The following PREX1 variants were observed in gnomAD, a reference collection of about 807,000 sequenced individuals.
PREX1 encodes the protein phosphatidylinositol 3,4,5-trisphosphate-dependent Rac exchanger 1 protein.
Under a neutral mutation model 198.3 loss-of-function variants are expected in PREX1, and 41 were observed. The observed-to-expected ratio is 0.21, with a 90% CI of 0.16 to 0.27. The LOEUF (loss-of-function observed/expected upper bound fraction) is 0.27, where lower values mean the gene tolerates loss of function less well. PREX1 is among the 10% of genes least tolerant of loss of function. The pLI is 1.00. For missense variants in PREX1, 1,620 were observed against 2,200.7 expected (o/e 0.74, Z 5.28); for synonymous variants, 843 against 887.2 (o/e 0.95, Z 0.89).
chr20:48,829,598 A>G (rs1447484555), upstream of PREX1, among the ~76,000 whole-genome samples: 1 of 152,184 alleles, frequency 6.6e-6, no homozygotes, highest in African/African-American at 2.4e-5. Flanking sequence ...TGGGTAGTGG[A>G]GTCAATTGTG....
At chr20:48,832,141 AG>A (rs1302519366), upstream of PREX1, among the ~76,000 whole-genome samples, 5 of 134,924 alleles carry the variant, frequency 3.7e-5, no homozygotes, top group African/African-American at 5.5e-5. Flanking sequence ...TTCAGGGGGA[AG>A]AAAAAAAAAG....
rs183287184 is a variant in PREX1, at chr20:48,708,522, G to T, written c.622-101C>A. On this transcript the variant is annotated intron_variant, in intron 5 of 39. Transcript: ENST00000371941. ...CCAAGAAAACAGACAAAAACTCCTC[G>T]CCTGGTGGACATTACATTCTAGTAA... is the stretch of plus-strand genomic sequence containing the variant. The T allele has an allele frequency of 3.1e-5, 40 of 1,278,882 alleles. No homozygotes were observed. In the Admixed American group the frequency reaches 6.8e-4, roughly 22 times the overall value. 79.2% of individuals were successfully genotyped at this position (1,278,882 alleles called of 1,614,324 possible). A position where few individuals can be genotyped will look rare whatever the true frequency, so the allele number is the denominator to read the frequency against.
At chr20:48,820,117 C>T (rs1365945929) in intron 1 of PREX1, among the ~76,000 whole-genome samples, 2 of 152,258 alleles carry the variant, frequency 1.3e-5, no homozygotes, top group Admixed American at 6.5e-5. Flanking sequence ...GGCGGGTAAA[C>T]ACAGATTGAG....
At chr20:48,828,586 C>T (rs1475581869), upstream of PREX1, among the ~76,000 whole-genome samples, 1 of 152,188 alleles carries the variant, frequency 6.6e-6, no homozygotes, top group South Asian at 2.1e-4. Context: ...ACGCCGGGCC[C>T]TCGCGGTGCC....
the PREX1 span, among the ~76,000 whole-genome samples, chr20:48,878,285 T>G: frequency 2.0e-5 from 3 of 152,202 alleles, no homozygotes; most frequent in Non-Finnish European, 4.4e-5. Flanking sequence ...CTCATTTTCT[T>G]TGCTAATAAA....
chr20:48,659,469 C>T (rs2089573695), intron 16 of PREX1, among the ~76,000 whole-genome samples: 1 of 151,982 alleles, frequency 6.6e-6, no homozygotes. Flanking sequence ...ACAGCAGTCC[C>T]TGCAGTACTA....
the PREX1 span, among the ~76,000 whole-genome samples, chr20:48,836,663 C>G: frequency 6.6e-6 from 1 of 152,066 alleles, no homozygotes; most frequent in African/African-American, 2.4e-5. Context: ...GCCTGTAATC[C>G]TAGCACTTTG....
intron 19 of PREX1, among the ~76,000 whole-genome samples, chr20:48,654,502 AAC>A (rs1383966882): frequency 2.0e-5 from 3 of 152,172 alleles, no homozygotes; most frequent in African/African-American, 7.2e-5. Flanking sequence ...AACCGCCAGA[AAC>A]ACCCCCTCCC....
At chr20:48,632,046 A>G (rs971993008) in intron 35 of PREX1, among the ~76,000 whole-genome samples, 9 of 152,228 alleles carry the variant, frequency 5.9e-5, no homozygotes, top group Admixed American at 4.6e-4. Flanking sequence ...GACCTTGGGC[A>G]AGTGTGTACA....
upstream of PREX1, among the ~76,000 whole-genome samples, chr20:48,829,874 G>A (rs566735596): frequency 4.6e-5 from 7 of 152,248 alleles, no homozygotes; most frequent in East Asian, 1.9e-4. Flanking sequence ...GGCCTCAGTC[G>A]TCTAATCTGT....
At chr20:48,767,846 CT>C (rs1004109200) in intron 1 of PREX1, among the ~76,000 whole-genome samples, 2 of 152,328 alleles carry the variant, frequency 1.3e-5, no homozygotes, top group African/African-American at 4.8e-5. Flanking sequence ...AGAGCCTCCC[CT>C]GACCATCCTG....
intron 15 of PREX1, among the ~76,000 whole-genome samples, chr20:48,662,081 C>A (rs2089601273): frequency 6.6e-6 from 1 of 152,186 alleles, no homozygotes; most frequent in Admixed American, 6.5e-5. Context: ...TTCTTTCTTT[C>A]TCCTTAGTTT....
the PREX1 span, among the ~76,000 whole-genome samples, chr20:48,873,489 A>G: frequency 6.6e-4 from 99 of 149,562 alleles, 2 homozygotes; most frequent in South Asian, 0.015. Context: ...CGGGCAGGTC[A>G]CCTGAGGTCA....
chr20:48,885,814 G>T, the PREX1 span, among the ~76,000 whole-genome samples: 5 of 152,166 alleles, frequency 3.3e-5, no homozygotes, highest in Non-Finnish European at 5.9e-5. Flanking sequence ...AGTCTGAAAG[G>T]CTACATCCTG....
At chr20:48,773,317 A>G (rs2090245621) in intron 1 of PREX1, among the ~76,000 whole-genome samples, 1 of 142,232 alleles carries the variant, frequency 7.0e-6, no homozygotes, top group Non-Finnish European at 1.5e-5. Flanking sequence ...GTCCATACCA[A>G]TTATTAAGTT....
chr20:48,666,936 G>C lies in PREX1; in HGVS notation c.1666-581C>G, dbSNP rs541430516. Among the ~76,000 whole-genome samples, 1 of 152,310 alleles carries C rather than the reference G, an allele frequency of 6.6e-6. No homozygotes were observed. The highest frequency in any genetic ancestry group is 2.4e-5 in the African/African-American group (1 of 41,560). ...AGCGGCAGACAATGTTGGTTGCCTA[G>C]CAACACCTTTCCCATTCCTCCCTGG... is the stretch of plus-strand genomic sequence containing the variant. On this transcript the variant is annotated intron_variant, in intron 14 of 39. Coordinates refer to ENST00000371941, the MANE Select transcript of PREX1 (RefSeq NM_020820.4). The surrounding 1 kb of genome is among the most constrained non-coding windows in gnomAD (Gnocchi z 4.3).
In PREX1 at chr20:48,747,423, C is replaced by T. The variant is rs552112476; in HGVS notation, c.291+386G>A. 4.6e-5 allele frequency among the ~76,000 whole-genome samples: 7 copies of T among 152,326 alleles called. No individual in the cohort carries two copies. The South Asian group carries it at 1.5e-3, about 32-fold the overall frequency. On this transcript the variant is annotated intron_variant, in intron 2 of 39. Transcript: ENST00000371941. ...GGATGCCCAGGGCGGGAGCGGGGGC[C>T]GGGACTGCCAGGAGAGGGACTGGAG...
intron 1 of PREX1, among the ~76,000 whole-genome samples, chr20:48,770,526 C>T (rs751876102): frequency 1.3e-4 from 20 of 151,612 alleles, no homozygotes; most frequent in Admixed American, 2.6e-4. Context: ...GCCTGGCCAA[C>T]AAGGCAAAAC....
At chr20:48,656,947 C>G in intron 18 of PREX1, 93 bp downstream of exon 18, 1 of 1,418,888 alleles carries the variant, frequency 7.0e-7, no homozygotes, top group Non-Finnish European at 9.4e-7. Flanking sequence ...GTCCCAGCCA[C>G]GGGGGACCAG....
Sources: gnomAD v4.1 joint callset for allele counts (sites outside exome capture counted in the v4.1 genomes callset) on GRCh38, gnomAD v4.1.1 for gene constraint, Gnocchi (gnomAD v3.1) non-coding constraint, MANE v1.5 for transcripts, NCBI Gene and HGNC (gene_info 2026-07-23, HGNC 2026-07-21) for gene names.